The following PHF5A variants were observed in gnomAD, a reference collection of about 807,000 sequenced individuals.
PHF5A encodes PHD finger protein 5A, also known as PHD finger-like domain-containing protein 5A.
For synonymous variants in PHF5A, 52 were observed against 46.0 expected (o/e 1.13, Z -0.52); for missense variants, 24 against 140.6 (o/e 0.17, Z 4.19).
In PHF5A at chr22:41,463,724, C is replaced by CAAAAAA. The variant is rs11387908; in HGVS notation, c.244-3243_244-3238dup. 3.0e-4 allele frequency among the ~76,000 whole-genome samples: 18 copies of CAAAAAA among 59,044 alleles called. 2 individuals are homozygous for CAAAAAA. Among genetic ancestry groups the CAAAAAA allele is most frequent in the African/African-American group, 1.3e-3 (17 of 13,478 alleles). The allele number at this position is 59,044 out of a possible 152,430, so 38.7% of individuals were successfully genotyped here. ...TGGGAGACACAGTAAGACTCTGTCT[C>CAAAAAA]AAAAAAAAAAAAAAAAAAAAAAAGC... On this transcript the variant is annotated intron_variant, in intron 3 of 3. Transcript: ENST00000216252.
chr22:41,466,150 C>G (rs1426347194), intron 3 of PHF5A, among the ~76,000 whole-genome samples: 1 of 152,272 alleles, frequency 6.6e-6, no homozygotes, highest in Non-Finnish European at 1.5e-5. Context: ...CATCATTAAC[C>G]TAGTGAGACT....
At position 41,468,208 on chromosome 22, in the gene PHF5A, G is replaced by A. The variant is rs2037888165; in HGVS notation, c.53-61C>T. 3 of 1,568,824 alleles carry A rather than the reference G, an allele frequency of 1.9e-6. No homozygotes were observed. In the African/African-American group the frequency reaches 4.0e-5, roughly 21 times the overall value. ...ATAAAGGTTTTGAGAAAGAGGAGAA[G>A]TACATCCTCGAGCTGGGGGTAGGGA... On this transcript the variant is annotated intron_variant, in intron 1 of 3. Coordinates refer to ENST00000216252, the MANE Select transcript of PHF5A (RefSeq NM_032758.4).
At chr22:41,467,964 G>A (rs774358582) in intron 2 of PHF5A, 160 bp downstream of exon 2, 2 of 698,664 alleles carry the variant, frequency 2.9e-6, no homozygotes, top group Non-Finnish European at 4.9e-6. Context: ...TGTGCAAGCG[G>A]CAGTGGGGAG....
At chr22:41,462,868 G>A (rs905150810) in intron 3 of PHF5A, among the ~76,000 whole-genome samples, 7 of 151,896 alleles carry the variant, frequency 4.6e-5, no homozygotes, top group South Asian at 4.2e-4. Flanking sequence ...CTTTACTTAC[G>A]GGTTAGCTTT....
intron 3 of PHF5A, among the ~76,000 whole-genome samples, chr22:41,463,283 AT>A (rs1483818575): frequency 6.6e-6 from 1 of 152,098 alleles, no homozygotes; most frequent in Non-Finnish European, 1.5e-5. Context: ...GAAAAAAAAA[AT>A]AAAAGGTTAA....
intron 3 of PHF5A, among the ~76,000 whole-genome samples, chr22:41,460,926 A>G (rs1568993484): frequency 6.6e-6 from 1 of 151,744 alleles, no homozygotes; most frequent in Non-Finnish European, 1.5e-5. Flanking sequence ...TAATCCCAGC[A>G]CTTTGGGAGG....
chr22:41,462,607 A>G (rs960279964), intron 3 of PHF5A, among the ~76,000 whole-genome samples: 1 of 152,238 alleles, frequency 6.6e-6, no homozygotes, highest in Non-Finnish European at 1.5e-5. Flanking sequence ...GATATTAGAC[A>G]TAATAACAGG....
chr22:41,463,312 C>T (rs2037840243), intron 3 of PHF5A, among the ~76,000 whole-genome samples: 2 of 150,494 alleles, frequency 1.3e-5, no homozygotes, highest in South Asian at 2.2e-4. Context: ...TGAGTCACGA[C>T]GGGCGTGGTG....
intron 2 of PHF5A, 46 bp from the exon 3 acceptor site, chr22:41,467,660 C>A (rs1048362084): frequency 6.3e-7 from 1 of 1,591,576 alleles, no homozygotes; most frequent in Non-Finnish European, 8.6e-7. Flanking sequence ...CTTCAGTCCT[C>A]TGCTATCTCC....
intron 3 of PHF5A, among the ~76,000 whole-genome samples, chr22:41,466,947 A>G (rs1283346696): frequency 2.0e-5 from 3 of 151,834 alleles, no homozygotes; most frequent in African/African-American, 4.8e-5. Flanking sequence ...GCACATGATC[A>G]TGCCACTGCA....
At chr22:41,460,949 GA>G (rs1285123152) in intron 3 of PHF5A, among the ~76,000 whole-genome samples, 4 of 152,130 alleles carry the variant, frequency 2.6e-5, no homozygotes, top group Non-Finnish European at 5.9e-5. Context: ...GAGGCAGGTG[GA>G]TCACCTGAGG....
At chr22:41,468,298 T>C (rs1031739447) in intron 1 of PHF5A, 151 bp from the exon 2 acceptor site, 1 of 757,392 alleles carries the variant, frequency 1.3e-6, no homozygotes, top group Non-Finnish European at 2.2e-6. Flanking sequence ...AATTTCCATA[T>C]GAACCAAACC....
intron 3 of PHF5A, among the ~76,000 whole-genome samples, chr22:41,463,717 T>A (rs1456310118): frequency 2.0e-5 from 2 of 100,758 alleles, no homozygotes; most frequent in African/African-American, 8.9e-5. Context: ...ACAGTAAGAC[T>A]CTGTCTCAAA....
intron 2 of PHF5A, 82 bp from the exon 3 acceptor site, chr22:41,467,696 C>T: frequency 1.3e-6 from 1 of 790,062 alleles, no homozygotes; most frequent in Non-Finnish European, 1.9e-6. Flanking sequence ...TACTAGTCTC[C>T]TGGGAAATAC....
chr22:41,461,764 G>T (rs1408952030), intron 3 of PHF5A, among the ~76,000 whole-genome samples: 1 of 152,124 alleles, frequency 6.6e-6, no homozygotes, highest in Non-Finnish European at 1.5e-5. Context: ...CCGGGTTCAA[G>T]CAATTCTCCT....
chr22:41,467,392 G>T, intron 3 of PHF5A, 56 bp downstream of exon 3: 2 of 1,548,266 alleles, frequency 1.3e-6, no homozygotes, highest in South Asian at 1.1e-5. Context: ...TGCAGTGGAT[G>T]GCAAAGTGTT....
chr22:41,468,533 G>C, intron 1 of PHF5A, 69 bp downstream of exon 1: 1 of 1,549,654 alleles, frequency 6.5e-7, no homozygotes. Flanking sequence ...GGAAGAGACG[G>C]GAACCCCCGA....
chr22:41,468,668 C>G lies in PHF5A; in HGVS notation c.-15G>C. 2 of 1,613,994 alleles carry G rather than the reference C, an allele frequency of 1.2e-6. No homozygotes were observed. Among genetic ancestry groups the G allele is most frequent in the South Asian group, 2.2e-5 (2 of 91,078 alleles). On this transcript the variant is annotated 5_prime_UTR_variant, in exon 1 of 4. Coordinates refer to ENST00000216252, the MANE Select transcript of PHF5A (RefSeq NM_032758.4). ...TGTTTAGCCATAGCTCCTAACTAAG[C>G]CGGCCACCGGAAGCTTCGGGAACTT...
At chr22:41,460,564 AGT>A in intron 3 of PHF5A, 77 bp from the exon 4 acceptor site, 2 of 1,212,886 alleles carry the variant, frequency 1.6e-6, no homozygotes, top group South Asian at 1.4e-5. Flanking sequence ...ATTTAAGCCC[AGT>A]GTGGTAGCAT....
Sources: gnomAD v4.1 joint callset for allele counts (sites outside exome capture counted in the v4.1 genomes callset) on GRCh38, gnomAD v4.1.1 for gene constraint, MANE v1.5 for transcripts, NCBI Gene and HGNC (gene_info 2026-07-23, HGNC 2026-07-21) for gene names.